The following KCNMA1 variants were observed in gnomAD, a reference collection of about 807,000 sequenced individuals.
KCNMA1 encodes the protein potassium calcium-activated channel subfamily M alpha 1, also known as Calcium-activated potassium channel subunit alpha-1.
In KCNMA1, 29 loss-of-function variants were observed where a neutral mutation model predicts 140.0. The ratio of observed to expected loss-of-function variants is 0.21; its 90% CI spans 0.15 to 0.28. The LOEUF is 0.28. Among genes scored for constraint, KCNMA1 ranks in the 10% least tolerant of loss-of-function variants. The pLI is 1.00. For synonymous variants in KCNMA1, 612 were observed against 611.9 expected (o/e 1.00, Z 0.00); for missense variants, 880 against 1,602.2 (o/e 0.55, Z 7.70).
intron 22 of KCNMA1, 28 bp downstream of exon 22, chr10:76,949,114 G>C (rs1240483534): frequency 6.8e-7 from 1 of 1,472,824 alleles, no homozygotes; most frequent in Non-Finnish European, 9.5e-7. Flanking sequence ...AAGAAGAAAA[G>C]GCATCAATAA....
At chr10:77,055,069 G>A (rs1277881017) in intron 14 of KCNMA1, among the ~76,000 whole-genome samples, 2 of 152,172 alleles carry the variant, frequency 1.3e-5, no homozygotes, top group East Asian at 1.9e-4. Context: ...CATTCTGGCT[G>A]TACAGGGCAA....
At chr10:77,008,320 A>G (rs894526387) in intron 18 of KCNMA1, 1 of 921,298 alleles carries the variant, frequency 1.1e-6, no homozygotes, top group Non-Finnish European at 1.6e-6. Flanking sequence ...CAAACTAGAC[A>G]TTACTTGTCC....
chr10:77,105,693 A>C (rs979927525), intron 9 of KCNMA1, among the ~76,000 whole-genome samples: 4 of 152,202 alleles, frequency 2.6e-5, no homozygotes, highest in Non-Finnish European at 4.4e-5. Context: ...ACACTGTTTT[A>C]AGAGTCTGAA....
At chr10:76,941,069 A>AAAAG (rs1329843319) in intron 23 of KCNMA1, among the ~76,000 whole-genome samples, 3 of 68,750 alleles carry the variant, frequency 4.4e-5, no homozygotes, top group Non-Finnish European at 9.2e-5. Flanking sequence ...GAAAGAAAGA[A>AAAAG]AAAGAAAGAA....
At chr10:77,471,914 C>A (rs1418371189) in intron 1 of KCNMA1, among the ~76,000 whole-genome samples, 3 of 151,346 alleles carry the variant, frequency 2.0e-5, no homozygotes, top group Admixed American at 6.6e-5. Flanking sequence ...ACACACTATA[C>A]ACACACCATA....
chr10:77,483,145 G>A (rs2098421041), intron 1 of KCNMA1, among the ~76,000 whole-genome samples: 1 of 151,994 alleles, frequency 6.6e-6, no homozygotes, highest in African/African-American at 2.4e-5. Flanking sequence ...GGTTTAGAGG[G>A]GCCAGGAGAG....
At chr10:77,151,159 TC>T (rs1361400050) in intron 5 of KCNMA1, among the ~76,000 whole-genome samples, 33 of 149,918 alleles carry the variant, frequency 2.2e-4, no homozygotes, top group Admixed American at 1.3e-4. Context: ...TTCTTTCTTT[TC>T]TTTTCTTTCT....
intron 20 of KCNMA1, among the ~76,000 whole-genome samples, chr10:76,963,472 C>T (rs1008928011): frequency 7.9e-5 from 12 of 152,176 alleles, no homozygotes; most frequent in African/African-American, 2.9e-4. Context: ...TCAGTAAATC[C>T]TACCCAAGTT....
intron 21 of KCNMA1, among the ~76,000 whole-genome samples, chr10:76,951,488 C>A (rs2066247800): frequency 6.6e-6 from 1 of 152,192 alleles, no homozygotes; most frequent in African/African-American, 2.4e-5. Flanking sequence ...CCTCTTACCA[C>A]TTAGCTTTAA....
At chr10:77,370,364 T>A (rs2154411515) in intron 2 of KCNMA1, among the ~76,000 whole-genome samples, 1 of 152,222 alleles carries the variant, frequency 6.6e-6, no homozygotes, top group Non-Finnish European at 1.5e-5. Flanking sequence ...CATGCTGGAA[T>A]GCCTGATTTT....
At chr10:77,146,538 T>TA (rs2098295534) in intron 5 of KCNMA1, among the ~76,000 whole-genome samples, 1 of 151,506 alleles carries the variant, frequency 6.6e-6, no homozygotes, top group Non-Finnish European at 1.5e-5. Flanking sequence ...TCGTCTCTTC[T>TA]AAAAAATACA....
At chr10:77,393,626 G>A (rs945361164) in intron 2 of KCNMA1, among the ~76,000 whole-genome samples, 1 of 152,312 alleles carries the variant, frequency 6.6e-6, no homozygotes, top group Non-Finnish European at 1.5e-5. Context: ...CTGCCCAGCC[G>A]CACCACACAC....
Position 77,637,509 on chromosome 10 carries a change from G to T in KCNMA1, c.134C>A (p.Ser45Tyr), listed in dbSNP as rs1429334349. 6.4e-7 allele frequency: 1 copy of T among 1,554,672 alleles called. No individual in the cohort carries two copies. Among genetic ancestry groups the T allele is most frequent in the East Asian group, 2.3e-5 (1 of 42,592 alleles). Residue 45 changes from serine to tyrosine, a missense_variant, in exon 1 of 28, where the codon TCC becomes TAC. Ser to Tyr is a moderately radical substitution (Grantham distance 144, BLOSUM62 -2). Coordinates refer to ENST00000286628, the MANE Select transcript of KCNMA1 (RefSeq NM_001161352.2). Reference sequence around the variant, plus strand: ...GGAGGAAGAAGAAGAAGAGGAAGAGGAGGAGGAGGAGGAGGAGGACGCGTC... The same window carrying T: ...GGAGGAAGAAGAAGAAGAGGAAGAGTAGGAGGAGGAGGAGGAGGACGCGTC... Reference protein sequence around the residue: ...SLDASSSSSSSSSSSSSSSSS... With the variant: ...SLDASSSSSSYSSSSSSSSSS...
At chr10:77,364,372 A>G (rs1357889063) in intron 2 of KCNMA1, among the ~76,000 whole-genome samples, 2 of 151,662 alleles carry the variant, frequency 1.3e-5, no homozygotes, top group East Asian at 3.9e-4. Context: ...AATCTCTTGA[A>G]CCCCAGAGGC....
chr10:77,223,687 A>T (rs769981708), intron 3 of KCNMA1, among the ~76,000 whole-genome samples: 2 of 152,020 alleles, frequency 1.3e-5, no homozygotes, highest in Non-Finnish European at 2.9e-5. Context: ...TCCTTCCTCA[A>T]TTGTGGGGCA....
At chr10:76,952,972 G>A (rs1351025517) in intron 21 of KCNMA1, among the ~76,000 whole-genome samples, 1 of 152,172 alleles carries the variant, frequency 6.6e-6, no homozygotes, top group Non-Finnish European at 1.5e-5. Context: ...ACAATAAACT[G>A]TAGGAAAGCC....
intron 2 of KCNMA1, among the ~76,000 whole-genome samples, chr10:77,387,700 C>T (rs2095664921): frequency 6.6e-6 from 1 of 150,956 alleles, no homozygotes; most frequent in African/African-American, 2.4e-5. Flanking sequence ...TCACTGCAAC[C>T]TCTCACTCCC....
intron 17 of KCNMA1, among the ~76,000 whole-genome samples, chr10:77,016,713 G>A (rs1416997952): frequency 3.3e-5 from 5 of 152,010 alleles, no homozygotes; most frequent in African/African-American, 1.2e-4. Context: ...GAAAATATTT[G>A]GTGGCAAGGA....
intron 3 of KCNMA1, among the ~76,000 whole-genome samples, chr10:77,248,882 A>T (rs1022186366): frequency 6.6e-6 from 1 of 152,184 alleles, no homozygotes; most frequent in African/African-American, 2.4e-5. Flanking sequence ...CCCAAGGAAG[A>T]TGGAAAACTC....
Sources: allele counts gnomAD v4.1 joint callset (sites outside exome capture counted in the v4.1 genomes callset), GRCh38; gene constraint gnomAD v4.1.1; transcripts MANE v1.5; gene names NCBI Gene and HGNC (gene_info 2026-07-23, HGNC 2026-07-21).